Variants in TMC7 observed in about 807,000 individuals in gnomAD.
TMC7 encodes the protein transmembrane channel-like protein 7.
Under a neutral mutation model 82.9 loss-of-function variants are expected in TMC7, and 54 were observed. The ratio of observed to expected loss-of-function variants is 0.65; its 90% CI spans 0.52 to 0.82. The LOEUF is 0.82. Among genes scored for constraint, TMC7 ranks in the 40% least tolerant of loss-of-function variants. The pLI, the probability that TMC7 is intolerant of heterozygous loss-of-function variation, is 0.00. For missense variants in TMC7, 820 were observed against 901.2 expected (o/e 0.91, Z 1.15); for synonymous variants, 350 against 337.9 (o/e 1.04, Z -0.39).
At chr16:19,003,408 G>T (rs557342153) in intron 1 of TMC7, among the ~76,000 whole-genome samples, 2 of 147,632 alleles carry the variant, frequency 1.4e-5, no homozygotes, top group East Asian at 2.0e-4. Context: ...AGGGAGGTGG[G>T]GGGGGTCAGC....
intron 6 of TMC7, among the ~76,000 whole-genome samples, chr16:19,033,251 C>A (rs1960599099): frequency 6.6e-6 from 1 of 152,160 alleles, no homozygotes; most frequent in African/African-American, 2.4e-5. Flanking sequence ...CTGCCTGGCA[C>A]CTTATAGACA....
intron 5 of TMC7, among the ~76,000 whole-genome samples, chr16:19,023,500 G>A (rs762615659): frequency 5.7e-4 from 87 of 152,160 alleles, no homozygotes; most frequent in Non-Finnish European, 1.0e-3. Context: ...AGGCTGGAGT[G>A]CAGTGGTGCA....
intron 2 of TMC7, among the ~76,000 whole-genome samples, chr16:19,011,227 G>A (rs1397373558): frequency 1.3e-5 from 2 of 152,138 alleles, no homozygotes; most frequent in African/African-American, 2.4e-5. Context: ...GCCAGAGAAG[G>A]GGAGAATGGA....
intron 1 of TMC7, among the ~76,000 whole-genome samples, chr16:19,007,297 C>T (rs1274580468): frequency 1.3e-5 from 2 of 152,146 alleles, no homozygotes; most frequent in African/African-American, 4.8e-5. Context: ...CTGCAAGGCC[C>T]TCTTATGACT....
chr16:19,047,876 CT>C (rs1306239000), intron 12 of TMC7, among the ~76,000 whole-genome samples: 3 of 133,144 alleles, frequency 2.3e-5, no homozygotes, highest in African/African-American at 5.6e-5. Flanking sequence ...GATTTTTGTA[CT>C]TTTAGTAGAG....
chr16:19,035,734 T>A lies in TMC7; in HGVS notation c.916T>A (p.Cys306Ser). ...GAGTGAGGAGCACTTTCAGAGTTAC[T>A]GCAACAAGATATTTGCCGGCTGGGA... ...IRSEEHFQSY[C>S]NKIFAGWDFC... is the part of the protein sequence containing the mutation. The change falls in exon 7 of 16, where the codon TGC becomes AGC. Residue 306 changes from cysteine to serine, a missense_variant. Physicochemically the swap from Cys to Ser is moderately radical, Grantham distance 112. Transcript: ENST00000304381. 6.2e-7 allele frequency: 1 copy of A among 1,614,026 alleles called. No homozygotes were observed. The highest frequency in any genetic ancestry group is 8.5e-7 in the Non-Finnish European group (1 of 1,179,982).
In TMC7 at chr16:19,009,193, G is replaced by C; in HGVS notation, c.89G>C (p.Ser30Thr). 6.2e-7 allele frequency: 1 copy of C among 1,614,144 alleles called. No individual in the cohort carries two copies. Among genetic ancestry groups the C allele is most frequent in the Non-Finnish European group, 8.5e-7 (1 of 1,180,018 alleles). The change falls in exon 2 of 16, where the codon AGT becomes ACT. Residue 30 changes from serine (S) to threonine (T), a missense_variant. Ser to Thr is a moderately conservative substitution (Grantham distance 58). Transcript: ENST00000304381. The stretch of plus-strand genomic sequence containing the variant: ...ATAGAGAACCTCTCTCTAGACTCCA[G>C]TTGCTTCTCTTCTCCACCTGTGAAC... ...VHPENLSLDSSCFSSPPVNFL... is the reference protein window; with the variant it reads ...VHPENLSLDSTCFSSPPVNFL...
At chr16:19,043,342 A>G (rs1961108459) in intron 9 of TMC7, among the ~76,000 whole-genome samples, 1 of 152,136 alleles carries the variant, frequency 6.6e-6, no homozygotes, top group South Asian at 2.1e-4. Flanking sequence ...TTGTAGTGTC[A>G]CTATGTCATC....
rs1047151313 is a variant in TMC7 at position 19,056,785 on chromosome 16, T to C, written c.2027+88T>C. Reference sequence around the variant, plus strand: ...GGTCGGGGCGGGGTCACCCTAGACTTGACAAGTTACTGAGCTTCTTTGAAC... The same window carrying C: ...GGTCGGGGCGGGGTCACCCTAGACTCGACAAGTTACTGAGCTTCTTTGAAC... On this transcript the variant is annotated intron_variant, in intron 14 of 15. Transcript: ENST00000304381. The C allele has an allele frequency of 4.2e-6, 6 of 1,431,406 alleles. No individual in the cohort carries two copies. In the Admixed American group the frequency reaches 1.0e-4, roughly 24 times the overall value. 88.7% of individuals were successfully genotyped at this position (1,431,406 alleles called of 1,614,324 possible). A position where few individuals can be genotyped will look rare whatever the true frequency, so the allele number is the denominator to read the frequency against.
chr16:19,026,476 CAAAA>C (rs567272137), intron 5 of TMC7, among the ~76,000 whole-genome samples: 1 of 111,122 alleles, frequency 9.0e-6, no homozygotes, highest in African/African-American at 3.5e-5. Context: ...GACTCCGTCT[CAAAA>C]AAAAAAAAAA....
intron 1 of TMC7, among the ~76,000 whole-genome samples, chr16:18,986,986 T>C (rs2038862213): frequency 6.6e-6 from 1 of 151,918 alleles, no homozygotes; most frequent in South Asian, 2.1e-4. Context: ...TTTGTATTTT[T>C]AGTAGAGACA....
chr16:19,022,487 A>G (rs1960024732), intron 4 of TMC7, among the ~76,000 whole-genome samples: 1 of 152,180 alleles, frequency 6.6e-6, no homozygotes, highest in African/African-American at 2.4e-5. Context: ...AGATACACAA[A>G]TACTTAACAT....
chr16:19,021,624 T>C lies in TMC7; in HGVS notation c.461-5T>C, dbSNP rs755174866. ...GTCAGTGATGTCCGGGTTTGTTTTT[T>C]CCAGGGAAATTTGGCACTGGGATTC... is the stretch of plus-strand genomic sequence containing the variant. On this transcript the variant is annotated splice_polypyrimidine_tract_variant and splice_region_variant and intron_variant, in intron 3 of 15. Coordinates refer to ENST00000304381, the MANE Select transcript of TMC7 (RefSeq NM_024847.4). 36 of 1,614,028 alleles carry C rather than the reference T, an allele frequency of 2.2e-5. No individual in the cohort carries two copies. The highest frequency in any genetic ancestry group is 3.4e-6 in the Non-Finnish European group (4 of 1,180,018).
chr16:19,059,661 A>T (rs747859684), intron 15 of TMC7, 167 bp downstream of exon 15: 96 of 1,543,190 alleles, frequency 6.2e-5, no homozygotes, highest in Non-Finnish European at 8.0e-5. Context: ...TCATTAATTC[A>T]CTGATTCATC....
chr16:19,061,680 A>T, intron 15 of TMC7, 98 bp from the exon 16 acceptor site: 1 of 961,514 alleles, frequency 1.0e-6, no homozygotes, highest in Non-Finnish European at 1.6e-6. Flanking sequence ...CCATTACAAT[A>T]GTCCAGTGGT....
At chr16:19,006,921 A>G (rs1406975325) in intron 1 of TMC7, among the ~76,000 whole-genome samples, 1 of 151,702 alleles carries the variant, frequency 6.6e-6, no homozygotes, top group Non-Finnish European at 1.5e-5. Flanking sequence ...GGTTCAAGCT[A>G]TTCTTCTACC....
intron 1 of TMC7, among the ~76,000 whole-genome samples, chr16:18,998,857 CTGTT>C (rs1377349253): frequency 6.6e-6 from 1 of 152,086 alleles, no homozygotes; most frequent in African/African-American, 2.4e-5. Flanking sequence ...GTTTGCTCAT[CTGTT>C]TGTAAAGCCT....
intron 5 of TMC7, among the ~76,000 whole-genome samples, chr16:19,029,859 C>T (rs4600450): frequency 0.52 from 79,468 of 151,638 alleles, 23,420 homozygotes; most frequent in East Asian, 0.77. Flanking sequence ...GTTACAGGCG[C>T]GCAACACCAG....
chr16:19,021,406 C>T (rs537154452), intron 3 of TMC7, among the ~76,000 whole-genome samples: 1 of 152,176 alleles, frequency 6.6e-6, no homozygotes, highest in Non-Finnish European at 1.5e-5. Context: ...CTCCCTCATA[C>T]GATTCTCAAG....
Sources: allele counts gnomAD v4.1 joint callset (sites outside exome capture counted in the v4.1 genomes callset), GRCh38; gene constraint gnomAD v4.1.1; transcripts MANE v1.5; gene names NCBI Gene and HGNC (gene_info 2026-07-23, HGNC 2026-07-21).